The following PCDHGB4 variants were observed in gnomAD, a reference collection of about 807,000 sequenced individuals.
PCDHGB4 encodes the protein protocadherin gamma-B4.
PCDHGB4 carries 38 observed loss-of-function variants against 60.5 expected under a neutral mutation model. The observed-to-expected ratio is 0.63, with a 90% CI of 0.48 to 0.82. The LOEUF is 0.82. Among genes scored for constraint, PCDHGB4 ranks in the 40% least tolerant of loss-of-function variants. The pLI, the probability that PCDHGB4 is intolerant of heterozygous loss-of-function variation, is 0.00. For synonymous variants in PCDHGB4, 456 were observed against 509.7 expected, an observed-to-expected ratio of 0.89 and a Z score of 1.42; for missense variants, 1,109 against 1,209.6, an observed-to-expected ratio of 0.92 and a Z score of 1.23.
chr5:141,415,849 C>A (rs1453652151), intron 1 of PCDHGB4: 2 of 1,230,672 alleles, frequency 1.6e-6, no homozygotes, highest in Non-Finnish European at 2.1e-6. Flanking sequence ...CTTTGCAGAA[C>A]CTTGTAGTTT....
chr5:141,390,232 C>A lies in PCDHGB4; in HGVS notation c.2348C>A (p.Ser783Tyr). 6.2e-7 allele frequency: 1 copy of A among 1,614,020 alleles called. No individual in the cohort carries two copies. ...SGQDILCGDS[S>Y]GALFPLCNSS... is the part of the protein sequence containing the mutation. ...CAAGACATACTTTGCGGTGATTCAT[C>A]TGGGGCCTTATTTCCACTTTGTAAT... The change falls in exon 1 of 4, where the codon TCT becomes TAT. Residue 783 changes from serine to tyrosine, a missense_variant. Ser to Tyr is a moderately radical substitution (Grantham distance 144). Transcript: ENST00000519479.
At chr5:141,483,104 A>G (rs2099577128) in intron 1 of PCDHGB4, among the ~76,000 whole-genome samples, 1 of 152,140 alleles carries the variant, frequency 6.6e-6, no homozygotes, top group African/African-American at 2.4e-5. Flanking sequence ...GTGTGCGTGT[A>G]AAACAGACAG....
At chr5:141,394,764 C>T in intron 1 of PCDHGB4, 3 of 1,613,450 alleles carry the variant, frequency 1.9e-6, no homozygotes, top group Middle Eastern at 1.6e-4. Flanking sequence ...GGACCATGGC[C>T]AGCCCCCTCT....
intron 1 of PCDHGB4, chr5:141,410,390 G>A: frequency 6.2e-7 from 1 of 1,614,012 alleles, no homozygotes; most frequent in South Asian, 1.1e-5. Flanking sequence ...CTTCCATCCT[G>A]GTCTCTGTGT....
chr5:141,409,882 G>A, intron 1 of PCDHGB4: 1 of 1,613,006 alleles, frequency 6.2e-7, no homozygotes, highest in Non-Finnish European at 8.5e-7. Context: ...ACAACGCACC[G>A]CGGGTGCTGT....
intron 1 of PCDHGB4, chr5:141,405,449 T>A: frequency 6.2e-6 from 8 of 1,283,878 alleles, no homozygotes; most frequent in South Asian, 1.4e-5. Context: ...AGACAGAGTC[T>A]TACTCTGTTA....
rs768938171 is a variant in PCDHGB4 at position 141,487,276 on chromosome 5, C to T, written c.2398-7531C>T. ...TGGCTGTGTCCCTAGTGGCAATTTG[C>T]TTTGTCTCCTTTGGCTCATTCGTGG... On this transcript the variant is annotated intron_variant, in intron 1 of 3. Transcript: ENST00000519479. The surrounding 1 kb of genome is among the most constrained non-coding windows in gnomAD (Gnocchi z 5.0). The T allele has an allele frequency of 2.5e-6, 4 of 1,614,158 alleles. No homozygotes were observed. The East Asian group carries it at 8.9e-5, about 36-fold the overall frequency.
rs766795269 is a variant in PCDHGB4, at chr5:141,394,804, T to C, written c.2397+4523T>C. Reference sequence around the variant, plus strand: ...GCCACTGTCACGCTCACCGTAGCCGTGGCTGACAGCATCCCCGAAGTCCTG... The same window carrying C: ...GCCACTGTCACGCTCACCGTAGCCGCGGCTGACAGCATCCCCGAAGTCCTG... On this transcript the variant is annotated intron_variant, in intron 1 of 3. Coordinates refer to ENST00000519479, the MANE Select transcript of PCDHGB4 (RefSeq NM_003736.4). 8 of 1,613,850 alleles carry C rather than the reference T, an allele frequency of 5.0e-6. No individual in the cohort carries two copies. In the South Asian group the frequency reaches 6.6e-5, roughly 13 times the overall value.
intron 1 of PCDHGB4, among the ~76,000 whole-genome samples, chr5:141,444,058 C>A (rs2154560450): frequency 6.8e-6 from 1 of 147,774 alleles, no homozygotes; most frequent in East Asian, 2.0e-4. Context: ...CATCTTCAAT[C>A]TAGATTCTGA....
chr5:141,506,434 C>A lies in PCDHGB4; in HGVS notation c.2545+953C>A, dbSNP rs139627189. Among the ~76,000 whole-genome samples the A allele has an allele frequency of 8.5e-4, 112 of 131,752 alleles. 2 individuals are homozygous for A. The highest frequency in any genetic ancestry group is 3.3e-3 in the African/African-American group (107 of 32,408). 86.4% of individuals were successfully genotyped at this position (131,752 alleles called of 152,430 possible). ...TGCACTCCAGCCTGGGCAACAGTCT[C>A]GCTCTGTCTCAAAAAAAAAAAAAAA... On this transcript the variant is annotated intron_variant, in intron 3 of 3. Transcript: ENST00000519479.
At chr5:141,427,765 T>C (rs1331334394) in intron 1 of PCDHGB4, 3 of 1,387,170 alleles carry the variant, frequency 2.2e-6, no homozygotes, top group Non-Finnish European at 2.0e-6. Context: ...ACCACTGACT[T>C]GGAGCTGCGG....
chr5:141,483,472 T>C (rs1457039859), intron 1 of PCDHGB4, among the ~76,000 whole-genome samples: 2 of 152,076 alleles, frequency 1.3e-5, no homozygotes, highest in Non-Finnish European at 2.9e-5. Flanking sequence ...TGACATGATA[T>C]AGGAAGTGAG....
chr5:141,500,491 G>A (rs1595677531), intron 2 of PCDHGB4, among the ~76,000 whole-genome samples: 1 of 152,156 alleles, frequency 6.6e-6, no homozygotes, highest in East Asian at 1.9e-4. Context: ...TTACAGGCGT[G>A]AGCCACCGCG....
At position 141,410,351 on chromosome 5, in the gene PCDHGB4, C is replaced by T. The variant is rs372351374; in HGVS notation, c.2397+20070C>T. ...TCTGGCCATTGCCTTGCGCCTGCGA[C>T]GCTCTCTCAGCCCTGCTACTTGGGA... On this transcript the variant is annotated intron_variant, in intron 1 of 3. Coordinates refer to ENST00000519479, the MANE Select transcript of PCDHGB4 (RefSeq NM_003736.4). The T allele has an allele frequency of 2.5e-6, 4 of 1,613,948 alleles. No homozygotes were observed. In the African/African-American group the frequency reaches 4.0e-5, roughly 16 times the overall value.
intron 1 of PCDHGB4, among the ~76,000 whole-genome samples, chr5:141,484,072 G>A (rs2099591675): frequency 6.6e-6 from 1 of 152,258 alleles, no homozygotes; most frequent in Admixed American, 6.5e-5. Flanking sequence ...TGAAAAGCTT[G>A]CTCTTTTGAA....
chr5:141,414,310 G>C, intron 1 of PCDHGB4: 1 of 1,613,722 alleles, frequency 6.2e-7, no homozygotes, highest in Non-Finnish European at 8.5e-7. Context: ...GCATGATTTA[G>C]ACTCTGAGCA....
chr5:141,491,612 G>C lies in PCDHGB4; in HGVS notation c.2398-3195G>C, dbSNP rs759955730. 1 of 1,613,906 alleles carries C rather than the reference G, an allele frequency of 6.2e-7. No individual in the cohort carries two copies. Among genetic ancestry groups the C allele is most frequent in the South Asian group, 1.1e-5 (1 of 91,080 alleles). ...GACGGCAGTGACTTCACTTTTCTAA[G>C]ACCCCTCAGCGTTCAGCAGCCCACA... On this transcript the variant is annotated intron_variant, in intron 1 of 3. Transcript: ENST00000519479. The surrounding 1 kb of genome is among the most constrained non-coding windows in gnomAD (Gnocchi z 6.9).
intron 1 of PCDHGB4, chr5:141,418,580 G>A: frequency 1.2e-5 from 20 of 1,614,018 alleles, no homozygotes; most frequent in Non-Finnish European, 1.7e-5. Flanking sequence ...CAACCCCCCA[G>A]TGTTCAGCCA....
At chr5:141,399,115 GA>G in intron 1 of PCDHGB4, 3 of 1,613,814 alleles carry the variant, frequency 1.9e-6, no homozygotes, top group Non-Finnish European at 2.5e-6. Context: ...ATGTACAGTT[GA>G]AATTAATATT....
Sources: allele counts gnomAD v4.1 joint callset (sites outside exome capture counted in the v4.1 genomes callset), GRCh38; gene constraint gnomAD v4.1.1; non-coding constraint Gnocchi (gnomAD v3.1); transcripts MANE v1.5; gene names NCBI Gene and HGNC (gene_info 2026-07-23, HGNC 2026-07-21).